The following CNTN5 variants were observed in gnomAD, a reference collection of about 807,000 sequenced individuals.
CNTN5 encodes contactin-5.
CNTN5 carries 77 observed loss-of-function variants against 129.1 expected under a neutral mutation model. That is an observed-to-expected ratio of 0.60 (90% CI 0.50 to 0.72). The LOEUF (loss-of-function observed/expected upper bound fraction) is 0.72, where lower values mean the gene tolerates loss of function less well. CNTN5 is among the 30% of genes least tolerant of loss of function. CNTN5 has a pLI of 0.00. For synonymous variants in CNTN5, 509 were observed against 465.6 expected (o/e 1.09, Z -1.20); for missense variants, 1,478 against 1,328.8 (o/e 1.11, Z -1.75).
intron 2 of CNTN5, among the ~76,000 whole-genome samples, chr11:99,405,329 A>G (rs1292034361): frequency 1.3e-5 from 2 of 152,036 alleles, no homozygotes; most frequent in Non-Finnish European, 2.9e-5. Context: ...CTTTGAAGAC[A>G]GTAACTCTTA....
chr11:99,757,721 A>G (rs1172307412), intron 3 of CNTN5, among the ~76,000 whole-genome samples: 1 of 152,056 alleles, frequency 6.6e-6, no homozygotes, highest in Admixed American at 6.6e-5. Context: ...TAAACTTTGG[A>G]TACAGAACAA....
intron 1 of CNTN5, among the ~76,000 whole-genome samples, chr11:99,308,299 A>T (rs1387200862): frequency 2.0e-5 from 3 of 152,214 alleles, no homozygotes; most frequent in Admixed American, 2.0e-4. Context: ...TGTAGAAGAA[A>T]CAGACCAGTA....
intron 2 of CNTN5, among the ~76,000 whole-genome samples, chr11:99,423,939 A>AT: frequency 6.6e-6 from 1 of 152,176 alleles, no homozygotes. Flanking sequence ...TTTGAATGAT[A>AT]TTAAAACCTT....
chr11:99,492,487 A>C (rs1261506978), intron 2 of CNTN5, among the ~76,000 whole-genome samples: 1 of 152,170 alleles, frequency 6.6e-6, no homozygotes, highest in African/African-American at 2.4e-5. Context: ...CATATGCTAA[A>C]ATCTTCTGAA....
intron 3 of CNTN5, among the ~76,000 whole-genome samples, chr11:99,580,211 G>A (rs1277661623): frequency 1.3e-5 from 2 of 152,284 alleles, no homozygotes. Flanking sequence ...GCTTTTTGAT[G>A]TGTTGCTGGA....
intron 16 of CNTN5, among the ~76,000 whole-genome samples, chr11:100,227,039 C>T (rs1949389959): frequency 6.6e-6 from 1 of 151,942 alleles, no homozygotes; most frequent in South Asian, 2.1e-4. Flanking sequence ...ATATGTGTCA[C>T]AGAGAGATGG....
chr11:99,986,805 T>G (rs1369543054), intron 8 of CNTN5, among the ~76,000 whole-genome samples: 1 of 152,084 alleles, frequency 6.6e-6, no homozygotes, highest in African/African-American at 2.4e-5. Flanking sequence ...TCACCAAGGA[T>G]CTTCACATTG....
intron 13 of CNTN5, among the ~76,000 whole-genome samples, chr11:100,094,006 C>G (rs1944894794): frequency 6.6e-6 from 1 of 152,010 alleles, no homozygotes; most frequent in Non-Finnish European, 1.5e-5. Context: ...TGTGTCGGAT[C>G]CTTTTGTTTA....
chr11:100,295,260 C>G (rs540216965), intron 18 of CNTN5, among the ~76,000 whole-genome samples: 2 of 151,412 alleles, frequency 1.3e-5, no homozygotes, highest in Non-Finnish European at 3.0e-5. Flanking sequence ...GTAAGAAAAC[C>G]TCACGGAGCT....
intron 12 of CNTN5, among the ~76,000 whole-genome samples, chr11:100,072,334 G>A (rs1391015406): frequency 6.6e-6 from 1 of 152,136 alleles, no homozygotes; most frequent in East Asian, 1.9e-4. Context: ...ACAGGGAAAG[G>A]CTTCCTGATG....
At chr11:99,541,275 G>A (rs908711155) in intron 2 of CNTN5, among the ~76,000 whole-genome samples, 1 of 152,140 alleles carries the variant, frequency 6.6e-6, no homozygotes, top group Non-Finnish European at 1.5e-5. Context: ...AATATTCACT[G>A]TATTTTGTGT....
Position 99,846,993 on chromosome 11 carries a change from G to A in CNTN5, c.577+1731G>A, listed in dbSNP as rs948994207. 3.3e-5 allele frequency among the ~76,000 whole-genome samples: 5 copies of A among 152,058 alleles called. No individual in the cohort carries two copies. In the East Asian group the frequency reaches 7.7e-4, roughly 23 times the overall value. On this transcript the variant is annotated intron_variant, in intron 6 of 24. Transcript: ENST00000524871. The stretch of plus-strand genomic sequence containing the variant: ...TACATTATGCACAATTAATCAAGTA[G>A]CCTAATAAACTAAATAAATAACCCT...
chr11:99,386,616 T>A (rs1295731834), intron 2 of CNTN5, among the ~76,000 whole-genome samples: 7 of 152,156 alleles, frequency 4.6e-5, no homozygotes, highest in African/African-American at 1.7e-4. Context: ...GACCTGTATC[T>A]TGTGCTGACC....
intron 9 of CNTN5, among the ~76,000 whole-genome samples, chr11:100,059,662 T>TAACA (rs1402461656): frequency 2.0e-5 from 3 of 152,088 alleles, no homozygotes; most frequent in Admixed American, 6.6e-5. Context: ...CTATAAATAC[T>TAACA]AACAAAGCTT....
intron 4 of CNTN5, among the ~76,000 whole-genome samples, chr11:99,843,221 AAAAC>A (rs746668096): frequency 5.3e-5 from 8 of 152,298 alleles, no homozygotes; most frequent in South Asian, 2.1e-4. Flanking sequence ...GACTCTCTCA[AAAAC>A]AAACAAACAA....
At chr11:99,309,703 C>T (rs1865026256) in intron 1 of CNTN5, among the ~76,000 whole-genome samples, 1 of 152,192 alleles carries the variant, frequency 6.6e-6, no homozygotes, top group Non-Finnish European at 1.5e-5. Context: ...GAATAATATC[C>T]CAAGACTCAT....
At position 99,659,986 on chromosome 11, in the gene CNTN5, G is replaced by T. The variant is rs141743524; in HGVS notation, c.55+103717G>T. On this transcript the variant is annotated intron_variant, in intron 3 of 24. Coordinates refer to ENST00000524871, the MANE Select transcript of CNTN5 (RefSeq NM_014361.4). ...TTTAGAAAGGTGCAAAGGCAACTGA[G>T]CAGAGGAAAGATAATCTTTTCAACA... 7.2e-5 allele frequency among the ~76,000 whole-genome samples: 11 copies of T among 152,230 alleles called. No homozygotes were observed. In the East Asian group the frequency reaches 7.7e-4, roughly 11 times the overall value.
intron 3 of CNTN5, among the ~76,000 whole-genome samples, chr11:99,812,134 A>C (rs566314458): frequency 6.6e-6 from 1 of 152,276 alleles, no homozygotes; most frequent in South Asian, 2.1e-4. Flanking sequence ...AATATGGAGA[A>C]AAGATGGGTA....
chr11:99,450,257 A>AAT (rs56270711), intron 2 of CNTN5, among the ~76,000 whole-genome samples: 2,614 of 145,904 alleles, frequency 0.018, 18 homozygotes, highest in East Asian at 0.029. Context: ...TGCTGGTAGA[A>AAT]ATATATATAT....
Sources: gnomAD v4.1 joint callset for allele counts (sites outside exome capture counted in the v4.1 genomes callset) on GRCh38, gnomAD v4.1.1 for gene constraint, MANE v1.5 for transcripts, NCBI Gene and HGNC (gene_info 2026-07-23, HGNC 2026-07-21) for gene names.